Variants in UBE3B observed in about 807,000 individuals in gnomAD.
UBE3B encodes the protein ubiquitin protein ligase E3B.
A neutral mutation model predicts 132.3 loss-of-function variants in UBE3B; 80 were observed. The ratio of observed to expected loss-of-function variants is 0.60; its 90% confidence interval spans 0.50 to 0.73. The LOEUF (loss-of-function observed/expected upper bound fraction) is 0.73, where lower values mean the gene tolerates loss of function less well. Among genes scored for constraint, UBE3B ranks in the 30% least tolerant of loss-of-function variants. The probability of loss-of-function intolerance (pLI) is 0.00; values close to 1 mark genes in which losing one functional copy is unlikely to be tolerated. For missense variants in UBE3B, 1,196 were observed against 1,362.5 expected, an observed-to-expected ratio of 0.88 and a Z score of 1.92; for synonymous variants, 487 against 520.4, an observed-to-expected ratio of 0.94 and a Z score of 0.87.
intron 24 of UBE3B, chr12:109,528,449 T>C: frequency 1.0e-6 from 1 of 985,248 alleles, no homozygotes; most frequent in Non-Finnish European, 1.2e-6. Context: ...TAAATAGGGA[T>C]ATTTTTGAGA....
intron 5 of UBE3B, 27 bp from the exon 6 acceptor site, chr12:109,486,444 T>A (rs142628764): frequency 1.3e-6 from 2 of 1,554,752 alleles, no homozygotes; most frequent in Non-Finnish European, 1.8e-6. Flanking sequence ...TAACAGCCCA[T>A]GACATTCCTC....
chr12:109,524,668 G>A (rs1882117326), intron 23 of UBE3B, among the ~76,000 whole-genome samples, 165 bp downstream of exon 23: 1 of 152,028 alleles, frequency 6.6e-6, no homozygotes, highest in Admixed American at 6.5e-5. Context: ...CAGGAGGGAG[G>A]GCCCCCTCCT....
chr12:109,533,790 C>T (rs574851448), intron 27 of UBE3B: 7 of 885,058 alleles, frequency 7.9e-6, no homozygotes, highest in Middle Eastern at 2.2e-4. Flanking sequence ...TCTTTCCTTC[C>T]TCAGGGAAGG....
chr12:109,483,449 C>G, intron 2 of UBE3B, 82 bp from the exon 3 acceptor site: 3 of 1,423,430 alleles, frequency 2.1e-6, no homozygotes, highest in Non-Finnish European at 2.8e-6. Flanking sequence ...AGGTCCCTGC[C>G]CACCCTCTGC....
chr12:109,524,978 A>G (rs1396999711), intron 23 of UBE3B, among the ~76,000 whole-genome samples: 1 of 151,998 alleles, frequency 6.6e-6, no homozygotes, highest in Admixed American at 6.5e-5. Context: ...TTTTCTCTGT[A>G]GCAGCCTCCG....
the UBE3B span, among the ~76,000 whole-genome samples, chr12:109,543,532 G>A: frequency 6.6e-6 from 1 of 152,214 alleles, no homozygotes; most frequent in African/African-American, 2.4e-5. Flanking sequence ...CTCTCCAGGA[G>A]CCACACTTTA....
intron 9 of UBE3B, 99 bp downstream of exon 9, chr12:109,491,226 C>T (rs1877418846): frequency 8.9e-7 from 1 of 1,118,034 alleles, no homozygotes; most frequent in Non-Finnish European, 1.3e-6. Flanking sequence ...ATAGACTTGC[C>T]CATTTTGTCA....
intron 26 of UBE3B, 126 bp from the exon 27 acceptor site, chr12:109,533,340 C>T (rs1475394673): frequency 2.6e-5 from 23 of 890,654 alleles, no homozygotes; most frequent in South Asian, 1.0e-4. Flanking sequence ...CCACTCCATA[C>T]GGCTGGCTAG....
At chr12:109,501,149 C>T (rs1413898695) in intron 12 of UBE3B, among the ~76,000 whole-genome samples, 1 of 152,184 alleles carries the variant, frequency 6.6e-6, no homozygotes, top group Non-Finnish European at 1.5e-5. Context: ...AGCTTGGGGA[C>T]CTGGGGAAAG....
chr12:109,527,405 A>G (rs1227165181), intron 24 of UBE3B, among the ~76,000 whole-genome samples: 1 of 152,154 alleles, frequency 6.6e-6, no homozygotes, highest in Non-Finnish European at 1.5e-5. Context: ...TCAGTTGAGC[A>G]TTTGAACTGT....
intron 24 of UBE3B, among the ~76,000 whole-genome samples, chr12:109,528,017 C>T (rs1274666849): frequency 4.6e-5 from 7 of 152,226 alleles, no homozygotes; most frequent in East Asian, 1.9e-4. Context: ...CTAAGTAGAG[C>T]GCCCAGAGGA....
chr12:109,498,933 C>G (rs1380232855), intron 11 of UBE3B, among the ~76,000 whole-genome samples: 3 of 151,910 alleles, frequency 2.0e-5, no homozygotes, highest in Admixed American at 1.3e-4. Flanking sequence ...TTAGGTGATC[C>G]TCCCACCTCA....
Position 109,510,665 on chromosome 12 carries a change from A to C in UBE3B, c.1856+207A>C, listed in dbSNP as rs141723992. Among the ~76,000 whole-genome samples the C allele has an allele frequency of 7.0e-3, 1,069 of 152,370 alleles. 7 individuals carry two copies. The highest frequency in any genetic ancestry group is 9.9e-3 in the Non-Finnish European group (676 of 68,036). ...AGATGTTTACACCAAATATGATTAG[A>C]GTTAATTAATGGCAACAGAGCCAGA... is the stretch of plus-strand genomic sequence containing the variant. On this transcript the variant is annotated intron_variant, in intron 17 of 27. Coordinates refer to ENST00000342494, the MANE Select transcript of UBE3B (RefSeq NM_130466.4).
At chr12:109,527,820 A>G (rs1882520112) in intron 24 of UBE3B, among the ~76,000 whole-genome samples, 1 of 152,186 alleles carries the variant, frequency 6.6e-6, no homozygotes, top group Non-Finnish European at 1.5e-5. Context: ...GGCAATGTGT[A>G]TAAAATACCT....
intron 8 of UBE3B, chr12:109,490,810 T>C (rs1265957473): frequency 7.8e-6 from 10 of 1,277,352 alleles, no homozygotes; most frequent in Non-Finnish European, 1.0e-5. Context: ...CGGTTTTTTG[T>C]TTTTTTGTTT....
intron 18 of UBE3B, 136 bp downstream of exon 18, chr12:109,511,439 A>G (rs528360564): frequency 4.5e-5 from 35 of 782,828 alleles, no homozygotes; most frequent in South Asian, 2.4e-4. Flanking sequence ...GGTGGTTGCT[A>G]TTACTTTGGT....
intron 18 of UBE3B, among the ~76,000 whole-genome samples, chr12:109,513,816 G>A (rs893625774): frequency 6.6e-6 from 1 of 152,016 alleles, no homozygotes; most frequent in Non-Finnish European, 1.5e-5. Context: ...CTCCGTGATT[G>A]CAGGTCCTGG....
At chr12:109,493,897 C>G (rs1209518207) in intron 9 of UBE3B, among the ~76,000 whole-genome samples, 1 of 152,216 alleles carries the variant, frequency 6.6e-6, no homozygotes, top group Non-Finnish European at 1.5e-5. Context: ...ATGATCAGAG[C>G]TCACTGCAGC....
chr12:109,530,007 C>T lies in UBE3B; in HGVS notation c.2745C>T (p.Phe915=), dbSNP rs758748721. Residue 915 remains phenylalanine, a synonymous_variant, in exon 25 of 28, where the codon TTC becomes TTT. Transcript: ENST00000342494. ...TCAAACCCGAGTGGATCCGAATGTTCTCAACTCCTGAACTGCAGCGTCTCA... is the reference window on the plus strand; with the variant it reads ...TCAAACCCGAGTGGATCCGAATGTTTTCAACTCCTGAACTGCAGCGTCTCA... The part of the protein sequence containing the change: ...SIIKPEWIRM[F]STPELQRLIS... 1.9e-6 allele frequency: 3 copies of T among 1,614,084 alleles called. No homozygotes were observed. The highest frequency in any genetic ancestry group is 2.5e-6 in the Non-Finnish European group (3 of 1,180,030).
Sources: gnomAD v4.1 joint callset for allele counts (sites outside exome capture counted in the v4.1 genomes callset) on GRCh38, gnomAD v4.1.1 for gene constraint, MANE v1.5 for transcripts, NCBI Gene and HGNC (gene_info 2026-07-23, HGNC 2026-07-21) for gene names.